SIPA1L1: variants seen among roughly 807,000 people sequenced by gnomAD.
The protein encoded by SIPA1L1 is signal induced proliferation associated 1 like 1.
A neutral mutation model predicts 162.7 loss-of-function variants in SIPA1L1; 26 were observed. The observed-to-expected ratio is 0.16, with a 90% confidence interval of 0.12 to 0.22. The LOEUF is 0.22. SIPA1L1 is among the 10% of genes least tolerant of loss of function. SIPA1L1 has a pLI of 1.00. For missense variants in SIPA1L1, 1,874 were observed against 2,241.0 expected (o/e 0.84, Z 3.31); for synonymous variants, 829 against 837.4 (o/e 0.99, Z 0.17).
At chr14:71,334,044 T>G (rs1263901799) in intron 2 of SIPA1L1, among the ~76,000 whole-genome samples, 1 of 152,164 alleles carries the variant, frequency 6.6e-6, no homozygotes, top group Non-Finnish European at 1.5e-5. Context: ...TGCCATTTAT[T>G]GAAATGGAGA....
intron 2 of SIPA1L1, among the ~76,000 whole-genome samples, chr14:71,362,644 T>C (rs2037918536): frequency 6.6e-6 from 1 of 152,248 alleles, no homozygotes; most frequent in Non-Finnish European, 1.5e-5. Context: ...TCAAATTAAT[T>C]ATTTCCCCCT....
At position 71,351,166 on chromosome 14, in the gene SIPA1L1, A is replaced by C. The variant is rs554357915; in HGVS notation, c.-465+29985A>C. Among the ~76,000 whole-genome samples, 5 of 152,336 alleles carry C rather than the reference A, an allele frequency of 3.3e-5. No individual in the cohort carries two copies. In the East Asian group the frequency reaches 9.6e-4, roughly 29 times the overall value. On this transcript the variant is annotated intron_variant, in intron 2 of 23. Coordinates refer to ENST00000381232, the MANE Select transcript of SIPA1L1 (RefSeq NM_001386936.1). Reference sequence around the variant, plus strand: ...GCAGAAATGCTACTCTTTAGGTTGCAAGTACAGTATAATTACATAAACAGA... The same window carrying C: ...GCAGAAATGCTACTCTTTAGGTTGCCAGTACAGTATAATTACATAAACAGA...
intron 4 of SIPA1L1, among the ~76,000 whole-genome samples, chr14:71,550,652 A>C (rs1477277964): frequency 6.6e-6 from 1 of 151,950 alleles, no homozygotes; most frequent in Non-Finnish European, 1.5e-5. Context: ...GCATGACTTG[A>C]AATATCCTCT....
chr14:71,628,535 C>G (rs1027706673), intron 7 of SIPA1L1, among the ~76,000 whole-genome samples: 8 of 152,174 alleles, frequency 5.3e-5, no homozygotes, highest in African/African-American at 1.7e-4. Flanking sequence ...AGGACTGTTT[C>G]AAATCCAATA....
At chr14:71,719,860 T>C (rs985020507) in intron 17 of SIPA1L1, among the ~76,000 whole-genome samples, 1 of 152,190 alleles carries the variant, frequency 6.6e-6, no homozygotes, top group Non-Finnish European at 1.5e-5. Flanking sequence ...AGAGTTCCCA[T>C]ACACCCCTCA....
intron 2 of SIPA1L1, among the ~76,000 whole-genome samples, chr14:71,431,597 G>A (rs946827501): frequency 6.6e-6 from 1 of 152,112 alleles, no homozygotes; most frequent in Admixed American, 6.6e-5. Context: ...GGGAGGCTGA[G>A]GTGGGAGGAT....
chr14:71,338,526 C>G (rs1594884242), intron 2 of SIPA1L1, among the ~76,000 whole-genome samples: 1 of 152,070 alleles, frequency 6.6e-6, no homozygotes, highest in African/African-American at 2.4e-5. Flanking sequence ...TCACATGATT[C>G]ACATGGGCTC....
chr14:71,371,769 C>A (rs2038912267), intron 2 of SIPA1L1, among the ~76,000 whole-genome samples: 1 of 152,102 alleles, frequency 6.6e-6, no homozygotes, highest in Non-Finnish European at 1.5e-5. Flanking sequence ...TTTTATGGAG[C>A]TATGGATGGT....
At chr14:71,543,864 CAT>C (rs1460450511) in intron 4 of SIPA1L1, among the ~76,000 whole-genome samples, 1 of 143,464 alleles carries the variant, frequency 7.0e-6, no homozygotes, top group African/African-American at 2.7e-5. Flanking sequence ...ATACATATAT[CAT>C]ACGTATGTGT....
At chr14:71,688,279 G>A (rs981303250) in intron 13 of SIPA1L1, among the ~76,000 whole-genome samples, 2 of 152,170 alleles carry the variant, frequency 1.3e-5, no homozygotes, top group Admixed American at 6.5e-5. Context: ...GCCCATTGGA[G>A]GATTTCAGAT....
intron 8 of SIPA1L1, among the ~76,000 whole-genome samples, chr14:71,656,900 G>A (rs538645941): frequency 5.3e-5 from 8 of 152,332 alleles, no homozygotes; most frequent in Non-Finnish European, 8.8e-5. Flanking sequence ...GAGTATTTTG[G>A]GGGGTGGGCC....
intron 2 of SIPA1L1, among the ~76,000 whole-genome samples, chr14:71,476,096 C>G (rs1304292446): frequency 2.6e-5 from 4 of 152,196 alleles, no homozygotes; most frequent in Admixed American, 2.6e-4. Context: ...GCAGATGCTC[C>G]TGCTGAAACT....
chr14:71,619,885 A>G (rs2039239223), intron 6 of SIPA1L1, among the ~76,000 whole-genome samples: 1 of 152,342 alleles, frequency 6.6e-6, no homozygotes, highest in Admixed American at 6.5e-5. Flanking sequence ...TGTGTTGTCT[A>G]CACTGGCCAG....
intron 2 of SIPA1L1, chr14:71,400,925 A>G (rs2041622213): frequency 6.6e-6 from 1 of 152,148 alleles, no homozygotes; most frequent in South Asian, 2.1e-4. Context: ...CGCAGTGAGT[A>G]GTAGAGTGGT....
At chr14:71,621,550 T>A (rs2039449342) in intron 6 of SIPA1L1, among the ~76,000 whole-genome samples, 1 of 152,238 alleles carries the variant, frequency 6.6e-6, no homozygotes, top group Non-Finnish European at 1.5e-5. Flanking sequence ...GAGGCCTTCC[T>A]TGACCGCTGA....
intron 4 of SIPA1L1, among the ~76,000 whole-genome samples, chr14:71,538,678 G>A (rs2054115037): frequency 6.6e-6 from 1 of 152,040 alleles, no homozygotes; most frequent in South Asian, 2.1e-4. Flanking sequence ...ATACAAGACG[G>A]CAAAGTAGTC....
At chr14:71,384,109 A>C (rs2040129386) in intron 2 of SIPA1L1, among the ~76,000 whole-genome samples, 1 of 152,122 alleles carries the variant, frequency 6.6e-6, no homozygotes, top group South Asian at 2.1e-4. Context: ...AATTACTTGA[A>C]TTCTGCCTGT....
chr14:71,605,718 TG>T (rs1333865505), intron 5 of SIPA1L1, among the ~76,000 whole-genome samples: 1 of 152,220 alleles, frequency 6.6e-6, no homozygotes, highest in Non-Finnish European at 1.5e-5. Flanking sequence ...GAACTTTTGC[TG>T]GTGCCTAGGA....
intron 5 of SIPA1L1, among the ~76,000 whole-genome samples, chr14:71,597,302 G>GT (rs927371348): frequency 6.6e-6 from 1 of 151,740 alleles, no homozygotes; most frequent in Non-Finnish European, 1.5e-5. Flanking sequence ...TTTCATAATC[G>GT]TTTTTTCTTA....
Sources: allele counts gnomAD v4.1 joint callset (sites outside exome capture counted in the v4.1 genomes callset), GRCh38; gene constraint gnomAD v4.1.1; transcripts MANE v1.5; gene names NCBI Gene and HGNC (gene_info 2026-07-23, HGNC 2026-07-21).